DLC1: variants seen among roughly 807,000 people sequenced by gnomAD.
DLC1 encodes the protein DLC1 Rho GTPase activating protein, also known as rho GTPase-activating protein 7.
Under a neutral mutation model 140.3 loss-of-function variants are expected in DLC1, and 54 were observed. That is an observed-to-expected ratio of 0.38 (90% CI 0.31 to 0.48). The LOEUF (loss-of-function observed/expected upper bound fraction) is 0.48. Ranked by LOEUF, DLC1 falls within the 20% of genes least tolerant of loss-of-function variation. DLC1 has a pLI of 0.96. For synonymous variants in DLC1, 986 were observed against 728.1 expected (o/e 1.35, Z -5.70); for missense variants, 2,536 against 1,907.0 (o/e 1.33, Z -6.14).
intron 5 of DLC1, among the ~76,000 whole-genome samples, chr8:13,302,232 C>A (rs891208848): frequency 2.0e-5 from 3 of 152,134 alleles, no homozygotes; most frequent in African/African-American, 7.2e-5. Context: ...AGGAGGGATG[C>A]CTGCCTGATG....
intron 4 of DLC1, among the ~76,000 whole-genome samples, chr8:13,369,129 G>T (rs1368638905): frequency 1.3e-5 from 2 of 152,048 alleles, no homozygotes; most frequent in Non-Finnish European, 2.9e-5. Context: ...ATGATTACAC[G>T]GTTCACCTTA....
At chr8:13,420,433 G>T (rs1205233278) in intron 2 of DLC1, among the ~76,000 whole-genome samples, 1 of 152,086 alleles carries the variant, frequency 6.6e-6, no homozygotes, top group Non-Finnish European at 1.5e-5. Flanking sequence ...GGATACATGT[G>T]CAAACTTGCA....
At chr8:13,160,275 CT>C in intron 5 of DLC1, 1 of 152,012 alleles carries the variant, frequency 6.6e-6, no homozygotes, top group East Asian at 1.9e-4. Context: ...CTTGACTAGC[CT>C]AAAAAAATAA....
intron 5 of DLC1, among the ~76,000 whole-genome samples, chr8:13,141,857 A>C (rs1585751946): frequency 2.0e-5 from 3 of 152,284 alleles, no homozygotes; most frequent in Non-Finnish European, 2.9e-5. Context: ...ACTGCAAGGC[A>C]ACGAATTACA....
chr8:13,104,350 C>CAGA (rs1819372114), intron 7 of DLC1, among the ~76,000 whole-genome samples: 1 of 119,438 alleles, frequency 8.4e-6, no homozygotes, highest in Non-Finnish European at 1.7e-5. Flanking sequence ...AAAATACTTA[C>CAGA]AAAAAAAAAA....
At chr8:13,303,575 G>A (rs1484846808) in intron 5 of DLC1, among the ~76,000 whole-genome samples, 2 of 152,264 alleles carry the variant, frequency 1.3e-5, no homozygotes, top group African/African-American at 4.8e-5. Flanking sequence ...GCCGAGGCGG[G>A]CGGATCACCT....
intron 5 of DLC1, among the ~76,000 whole-genome samples, chr8:13,191,426 G>T (rs1179941815): frequency 6.6e-6 from 1 of 152,188 alleles, no homozygotes; most frequent in African/African-American, 2.4e-5. Context: ...AGAATCACTT[G>T]ACCTGGGAGG....
At chr8:13,328,170 A>G (rs1326390659) in intron 4 of DLC1, among the ~76,000 whole-genome samples, 2 of 152,144 alleles carry the variant, frequency 1.3e-5, no homozygotes, top group Non-Finnish European at 2.9e-5. Context: ...TTTTAAGTAG[A>G]TAAATGATGT....
chr8:13,271,448 C>T (rs1044007039), intron 5 of DLC1, among the ~76,000 whole-genome samples: 1 of 152,182 alleles, frequency 6.6e-6, no homozygotes, highest in Non-Finnish European at 1.5e-5. Flanking sequence ...GTCCAGCACT[C>T]ATTTTGCTAG....
intron 7 of DLC1, among the ~76,000 whole-genome samples, chr8:13,107,779 C>A (rs62487858): frequency 6.6e-6 from 1 of 151,818 alleles, no homozygotes; most frequent in African/African-American, 2.4e-5. Context: ...TGGCTGGTCG[C>A]GGTGGCTCAC....
chr8:13,602,246 A>T (rs1805913194), intron 1 of DLC1, among the ~76,000 whole-genome samples: 1 of 151,838 alleles, frequency 6.6e-6, no homozygotes, highest in Non-Finnish European at 1.5e-5. Context: ...AGGAAAAGAG[A>T]TAGAAGAAGA....
intron 5 of DLC1, among the ~76,000 whole-genome samples, chr8:13,170,700 A>G (rs989481171): frequency 6.8e-6 from 1 of 148,004 alleles, no homozygotes; most frequent in Non-Finnish European, 1.5e-5. Flanking sequence ...ACTGCACTCC[A>G]GCCTGGGCGA....
intron 4 of DLC1, among the ~76,000 whole-genome samples, chr8:13,323,173 C>A (rs1671391): frequency 6.6e-6 from 1 of 152,118 alleles, no homozygotes; most frequent in Non-Finnish European, 1.5e-5. Context: ...AGATTATATA[C>A]GTTCATGATG....
At chr8:13,251,462 A>G (rs955209956) in intron 5 of DLC1, among the ~76,000 whole-genome samples, 1 of 152,156 alleles carries the variant, frequency 6.6e-6, no homozygotes, top group African/African-American at 2.4e-5. Flanking sequence ...TGGGCCATAT[A>G]TAAAGTCTGT....
At chr8:13,091,757 G>A (rs936460561) in intron 13 of DLC1, among the ~76,000 whole-genome samples, 1 of 152,122 alleles carries the variant, frequency 6.6e-6, no homozygotes, top group Non-Finnish European at 1.5e-5. Flanking sequence ...AGGAGTGTGG[G>A]AAAGGAGTCC....
chr8:13,170,204 T>TG (rs1825368050), intron 5 of DLC1, among the ~76,000 whole-genome samples: 1 of 152,198 alleles, frequency 6.6e-6, no homozygotes, highest in Admixed American at 6.5e-5. Flanking sequence ...TCTTTAGAGA[T>TG]GGAGATGTTA....
At chr8:13,412,150 A>G (rs1322714616) in intron 2 of DLC1, among the ~76,000 whole-genome samples, 4 of 152,226 alleles carry the variant, frequency 2.6e-5, no homozygotes, top group Non-Finnish European at 5.9e-5. Context: ...TGGTCAAAGC[A>G]TATAAAGAGT....
At chr8:13,359,312 C>T (rs950818324) in intron 4 of DLC1, among the ~76,000 whole-genome samples, 3 of 152,188 alleles carry the variant, frequency 2.0e-5, no homozygotes, top group Non-Finnish European at 2.9e-5. Flanking sequence ...TTCGGAATTC[C>T]TTATTTGTAT....
chr8:13,443,279 A>T (rs1798618455), intron 2 of DLC1, among the ~76,000 whole-genome samples: 1 of 150,906 alleles, frequency 6.6e-6, no homozygotes, highest in Non-Finnish European at 1.5e-5. Flanking sequence ...GGTGCAGCAC[A>T]CCAACATGGC....
Sources: allele counts gnomAD v4.1 joint callset (sites outside exome capture counted in the v4.1 genomes callset), GRCh38; gene constraint gnomAD v4.1.1; transcripts MANE v1.5; gene names NCBI Gene and HGNC (gene_info 2026-07-23, HGNC 2026-07-21).